The following CAMK2A variants were observed in gnomAD, a reference collection of about 807,000 sequenced individuals.
CAMK2A encodes calcium/calmodulin-dependent protein kinase type II subunit alpha.
In CAMK2A, 7 loss-of-function variants were observed where a neutral mutation model predicts 79.2. That is an observed-to-expected ratio of 0.09 (90% CI 0.05 to 0.17). CAMK2A has a LOEUF of 0.17. Ranked by LOEUF, CAMK2A falls within the 10% of genes least tolerant of loss-of-function variation. The pLI is 1.00. For synonymous variants in CAMK2A, 242 were observed against 251.7 expected, an observed-to-expected ratio of 0.96 and a Z score of 0.36; for missense variants, 214 against 646.4, an observed-to-expected ratio of 0.33 and a Z score of 7.25.
chr5:150,283,629 C>T (rs1047728550), intron 1 of CAMK2A, among the ~76,000 whole-genome samples: 1 of 152,196 alleles, frequency 6.6e-6, no homozygotes, highest in African/African-American at 2.4e-5. Context: ...CCCAACTAAT[C>T]GAGGTCTCTT....
chr5:150,235,707 T>C (rs753845903), intron 15 of CAMK2A, among the ~76,000 whole-genome samples: 11 of 152,186 alleles, frequency 7.2e-5, no homozygotes, highest in Admixed American at 1.3e-4. Context: ...TATTAATGTC[T>C]CTTTCTCTCC....
chr5:150,241,493 T>TTCCTC lies in CAMK2A; in HGVS notation c.985-1762_985-1758dup, dbSNP rs566722255. 2.2e-5 allele frequency among the ~76,000 whole-genome samples: 3 copies of TTCCTC among 133,902 alleles called. No individual in the cohort carries two copies. In the East Asian group the frequency reaches 7.7e-4, roughly 34 times the overall value. 87.8% of individuals were successfully genotyped at this position (133,902 alleles called of 152,430 possible). On this transcript the variant is annotated intron_variant, in intron 13 of 18. Coordinates refer to ENST00000671881, the MANE Select transcript of CAMK2A (RefSeq NM_015981.4). ...TCCCCTCTCCTCCTTCTTCTCTTCC[T>TTCCTC]TCCTCTCCTCTCCTCTCCTCCTCCC...
chr5:150,279,330 C>T (rs1358245425), intron 1 of CAMK2A, among the ~76,000 whole-genome samples: 1 of 152,230 alleles, frequency 6.6e-6, no homozygotes, highest in Non-Finnish European at 1.5e-5. Flanking sequence ...ACTCCTGAAT[C>T]AGACCGAGCA....
intron 1 of CAMK2A, 32 bp from the exon 2 acceptor site, chr5:150,273,191 G>A (rs1387678943): frequency 1.3e-6 from 2 of 1,534,466 alleles, no homozygotes; most frequent in Admixed American, 1.7e-5. Context: ...AGAGGGTGAG[G>A]GAATGCCTGA....
chr5:150,252,694 A>G (rs1250838648), intron 7 of CAMK2A, among the ~76,000 whole-genome samples: 2 of 152,224 alleles, frequency 1.3e-5, no homozygotes, highest in South Asian at 4.1e-4. Flanking sequence ...TTTTAAGAAC[A>G]CTTACAAGTT....
chr5:150,245,307 G>A, intron 12 of CAMK2A, 106 bp from the exon 13 acceptor site: 2 of 1,027,908 alleles, frequency 1.9e-6, no homozygotes, highest in Non-Finnish European at 3.0e-6. Context: ...AGACTGCAGG[G>A]AGCAGAGCTG....
intron 6 of CAMK2A, among the ~76,000 whole-genome samples, chr5:150,254,946 C>T (rs1755991193): frequency 6.6e-6 from 1 of 152,214 alleles, no homozygotes; most frequent in Non-Finnish European, 1.5e-5. Flanking sequence ...CTCTGATCCC[C>T]TTCCCAGTGG....
intron 15 of CAMK2A, among the ~76,000 whole-genome samples, chr5:150,235,530 A>T (rs889513779): frequency 2.0e-5 from 3 of 152,236 alleles, no homozygotes; most frequent in Non-Finnish European, 4.4e-5. Flanking sequence ...TTCCTGACTG[A>T]TATTTCCCAG....
At chr5:150,249,780 T>G (rs1402574277) in intron 11 of CAMK2A, among the ~76,000 whole-genome samples, 1 of 152,136 alleles carries the variant, frequency 6.6e-6, no homozygotes, top group Admixed American at 6.6e-5. Context: ...ACTTCTGACC[T>G]CAGGTGATCT....
intron 3 of CAMK2A, among the ~76,000 whole-genome samples, chr5:150,263,695 A>G (rs1756392631): frequency 6.6e-6 from 1 of 152,106 alleles, no homozygotes; most frequent in Admixed American, 6.6e-5. Context: ...CCCTCCTTCC[A>G]CTGGAGCTGG....
chr5:150,289,179 A>C (rs1757559625), intron 1 of CAMK2A, among the ~76,000 whole-genome samples: 1 of 152,216 alleles, frequency 6.6e-6, no homozygotes, highest in Admixed American at 6.5e-5. Context: ...CACCTCAAGC[A>C]AAACTAGAGA....
At chr5:150,262,359 G>A (rs555712665) in intron 3 of CAMK2A, among the ~76,000 whole-genome samples, 14 of 152,298 alleles carry the variant, frequency 9.2e-5, no homozygotes, top group South Asian at 2.1e-4. Flanking sequence ...CTCTTTGCAC[G>A]TCTTTGGGAA....
intron 1 of CAMK2A, among the ~76,000 whole-genome samples, chr5:150,278,197 C>G (rs538153474): frequency 3.3e-5 from 5 of 152,090 alleles, no homozygotes; most frequent in Admixed American, 3.3e-4. Context: ...GCACATGAGA[C>G]ATAGTTGGGA....
Position 150,222,463 on chromosome 5 carries a change from T to G in CAMK2A, c.*247A>C. 1.4e-6 allele frequency: 1 copy of G among 701,644 alleles called. No individual in the cohort carries two copies. The highest frequency in any genetic ancestry group is 2.6e-6 in the Non-Finnish European group (1 of 384,480). 43.5% of individuals were successfully genotyped at this position (701,644 alleles called of 1,614,324 possible). ...GGCCAGTGCTGTGGACACCCATGCC[T>G]GAGGAAGCCCCAGCCTGGCAGGGGA... On this transcript the variant is annotated 3_prime_UTR_variant, in exon 19 of 19. Transcript: ENST00000671881.
rs927696917 is a variant in CAMK2A, at chr5:150,267,528, A to C, written c.158-2513T>G. 2.0e-5 allele frequency among the ~76,000 whole-genome samples: 3 copies of C among 152,344 alleles called. No homozygotes were observed. The South Asian group carries it at 6.2e-4, about 32-fold the overall frequency. On this transcript the variant is annotated intron_variant, in intron 2 of 18. Transcript: ENST00000671881. ...TTATTGCTGGAAATGCTAGGAACTA[A>C]TTGTATAAATCTTACATCATCTTAT...
At chr5:150,275,938 G>A (rs1580950664) in intron 1 of CAMK2A, among the ~76,000 whole-genome samples, 1 of 152,092 alleles carries the variant, frequency 6.6e-6, no homozygotes, top group African/African-American at 2.4e-5. Flanking sequence ...TGAGAATGGG[G>A]AGAGGGGCTG....
At chr5:150,253,831 G>T (rs570457005) in intron 6 of CAMK2A, among the ~76,000 whole-genome samples, 1 of 151,240 alleles carries the variant, frequency 6.6e-6, no homozygotes, top group Admixed American at 6.6e-5. Context: ...AGGTGAGAGC[G>T]GGGTGGTACA....
intron 11 of CAMK2A, among the ~76,000 whole-genome samples, chr5:150,249,917 CT>C (rs1166984514): frequency 6.6e-6 from 1 of 152,206 alleles, no homozygotes; most frequent in Non-Finnish European, 1.5e-5. Context: ...TTAAACGCCC[CT>C]GGCTCCAGAC....
Position 150,223,301 on chromosome 5 carries a change from C to T in CAMK2A, c.1238-84G>A, listed in dbSNP as rs2114012132. The T allele has an allele frequency of 8.6e-7, 1 of 1,161,300 alleles. No homozygotes were observed. Among genetic ancestry groups the T allele is most frequent in the Admixed American group, 2.0e-5 (1 of 50,076 alleles). 71.9% of individuals were successfully genotyped at this position (1,161,300 alleles called of 1,614,324 possible). On this transcript the variant is annotated intron_variant, in intron 17 of 18. Transcript: ENST00000671881. The surrounding 1 kb of genome is among the most constrained non-coding windows in gnomAD (Gnocchi z 4.1). ...TCTTCACTTTCTCCACTCCCAGCAG[C>T]CCTCTCAATGGAGGCGCCCTGCCTG...
Sources: allele counts gnomAD v4.1 joint callset (sites outside exome capture counted in the v4.1 genomes callset), GRCh38; gene constraint gnomAD v4.1.1; non-coding constraint Gnocchi (gnomAD v3.1); transcripts MANE v1.5; gene names NCBI Gene and HGNC (gene_info 2026-07-23, HGNC 2026-07-21).